The following SYN3 variants were observed in gnomAD, a reference collection of about 807,000 sequenced individuals.
SYN3 encodes synapsin-3.
A neutral mutation model predicts 65.8 loss-of-function variants in SYN3; 35 were observed. The ratio of observed to expected loss-of-function variants is 0.53; its 90% CI spans 0.41 to 0.70. The LOEUF is 0.70. SYN3 is among the 30% of genes least tolerant of loss of function. The pLI, the probability that SYN3 is intolerant of heterozygous loss-of-function variation, is 0.00. For synonymous variants in SYN3, 270 were observed against 292.9 expected, an observed-to-expected ratio of 0.92 and a Z score of 0.80; for missense variants, 680 against 749.0, an observed-to-expected ratio of 0.91 and a Z score of 1.08.
intron 7 of SYN3, among the ~76,000 whole-genome samples, chr22:32,572,413 T>TCCTTAGC (rs1346623977): frequency 2.4e-4 from 1 of 4,098 alleles, no homozygotes; most frequent in Non-Finnish European, 6.0e-4. Context: ...CCTCCTGTCT[T>TCCTTAGC]TCCTTCCTTC....
At chr22:32,938,927 C>CAAAAA (rs137558) in intron 3 of SYN3, among the ~76,000 whole-genome samples, 92 of 125,018 alleles carry the variant, frequency 7.4e-4, no homozygotes, top group African/African-American at 2.4e-3. Flanking sequence ...GGCTTTGTCT[C>CAAAAA]AAAAAAAAAA....
At chr22:32,897,859 AC>A (rs1260796191) in intron 4 of SYN3, among the ~76,000 whole-genome samples, 3 of 152,098 alleles carry the variant, frequency 2.0e-5, no homozygotes, top group Non-Finnish European at 4.4e-5. Context: ...TTGCTGTGTT[AC>A]CCAGGCTGGA....
rs2060829119 is a variant in SYN3, at chr22:32,702,941, G to A, written c.712-106205C>T. ...AAGTGCAATCTAACCAAAATGTTCT[G>A]GTCAATTGGATTTCGTTGTGCTAAA... On this transcript the variant is annotated intron_variant, in intron 6 of 13. Coordinates refer to ENST00000358763, the MANE Select transcript of SYN3 (RefSeq NM_003490.4). Among the ~76,000 whole-genome samples, 5 of 152,144 alleles carry A rather than the reference G, an allele frequency of 3.3e-5. No individual in the cohort carries two copies. The South Asian group carries it at 8.3e-4, about 25-fold the overall frequency.
At chr22:32,531,147 T>C (rs1381794031) in intron 10 of SYN3, among the ~76,000 whole-genome samples, 2 of 34,776 alleles carry the variant, frequency 5.8e-5, no homozygotes, top group African/African-American at 3.4e-4. Context: ...AGACCCCGTC[T>C]CAAAAAAAAA....
chr22:32,653,895 C>A (rs1253478850), intron 6 of SYN3, among the ~76,000 whole-genome samples: 1 of 152,212 alleles, frequency 6.6e-6, no homozygotes, highest in Non-Finnish European at 1.5e-5. Flanking sequence ...TCCTTTCCAG[C>A]CTTTTGAAGT....
At chr22:32,571,024 T>TTGTG (rs149461851) in intron 7 of SYN3, among the ~76,000 whole-genome samples, 1 of 151,646 alleles carries the variant, frequency 6.6e-6, no homozygotes, top group African/African-American at 2.4e-5. Context: ...CAAGAGGGAA[T>TTGTG]TGTGTGTGTG....
intron 1 of SYN3, among the ~76,000 whole-genome samples, chr22:33,047,196 G>A (rs1195083793): frequency 6.6e-6 from 1 of 152,004 alleles, no homozygotes; most frequent in African/African-American, 2.4e-5. Context: ...TTGTTTTGTG[G>A]TTATTTTCTA....
At position 32,761,696 on chromosome 22, in the gene SYN3, G is replaced by A. The variant is rs759527745; in HGVS notation, c.711+103219C>T. On this transcript the variant is annotated intron_variant, in intron 6 of 13. Coordinates refer to ENST00000358763, the MANE Select transcript of SYN3 (RefSeq NM_003490.4). ...GGTGATAACAGCTGCTTTGTTTTGC[G>A]GGGAGGCCACAAAATTCCTTTTAAA... Among the ~76,000 whole-genome samples, 90 of 152,280 alleles carry A rather than the reference G, an allele frequency of 5.9e-4. 1 individual carries two copies. The highest frequency in any genetic ancestry group is 6.2e-4 in the South Asian group (3 of 4,826).
intron 6 of SYN3, among the ~76,000 whole-genome samples, chr22:32,688,318 C>G (rs2060618838): frequency 6.6e-6 from 1 of 152,162 alleles, no homozygotes; most frequent in Non-Finnish European, 1.5e-5. Flanking sequence ...GCCTGTGCTT[C>G]TGGTTCTACT....
intron 4 of SYN3, 183 bp downstream of exon 4, chr22:32,931,207 C>T (rs2050618715): frequency 1.8e-6 from 1 of 550,008 alleles, no homozygotes; most frequent in Non-Finnish European, 3.3e-6. Flanking sequence ...ACCACAGGTG[C>T]TGCACGTATG....
intron 4 of SYN3, among the ~76,000 whole-genome samples, chr22:32,880,731 G>A (rs1385431429): frequency 6.6e-6 from 1 of 152,182 alleles, no homozygotes; most frequent in African/African-American, 2.4e-5. Context: ...TTGCAGATGA[G>A]GATAACTGAA....
rs1287569909 is a variant in SYN3 at position 33,025,448 on chromosome 22, A to AG, written c.-162-18625_-162-18624insC. On this transcript the variant is annotated intron_variant, in intron 1 of 13. Transcript: ENST00000358763. ...GACTCCGTCTCAAAAAAAAAAAAAA[A>AG]AAAAAAGAAAGCTGGTCTCTACTAA... Among the ~76,000 whole-genome samples the AG allele has an allele frequency of 2.0e-5, 3 of 150,972 alleles. No individual in the cohort carries two copies. In the East Asian group the frequency reaches 5.8e-4, roughly 29 times the overall value.
chr22:32,834,778 G>A (rs946378041), intron 6 of SYN3, among the ~76,000 whole-genome samples: 1 of 152,164 alleles, frequency 6.6e-6, no homozygotes, highest in Non-Finnish European at 1.5e-5. Context: ...ATTCCTATCT[G>A]GTACAGGGTA....
At chr22:32,701,951 T>C (rs1355330416) in intron 6 of SYN3, among the ~76,000 whole-genome samples, 1 of 152,162 alleles carries the variant, frequency 6.6e-6, no homozygotes, top group East Asian at 1.9e-4. Flanking sequence ...AAGAAAACCA[T>C]ACTGAGGAAC....
chr22:32,597,092 C>T (rs73154338), intron 6 of SYN3, among the ~76,000 whole-genome samples: 8,714 of 151,484 alleles, frequency 0.058, 561 homozygotes, highest in East Asian at 0.27. Context: ...CAAATGAAGA[C>T]GATAATAATA....
chr22:32,912,543 C>CT (rs1021481525), intron 4 of SYN3, among the ~76,000 whole-genome samples: 2 of 151,860 alleles, frequency 1.3e-5, no homozygotes, highest in Non-Finnish European at 2.9e-5. Context: ...TAGTGAGACC[C>CT]CCCCATCTCT....
intron 13 of SYN3, among the ~76,000 whole-genome samples, chr22:32,516,521 G>A (rs1006464034): frequency 5.9e-5 from 9 of 151,922 alleles, no homozygotes; most frequent in African/African-American, 9.7e-5. Context: ...GCACCAGCAC[G>A]CCCAGCTAAT....
chr22:32,731,509 C>G (rs528256326), intron 6 of SYN3, among the ~76,000 whole-genome samples: 4 of 152,162 alleles, frequency 2.6e-5, no homozygotes, highest in African/African-American at 9.6e-5. Flanking sequence ...TAAAAGCCTA[C>G]GATCAGGCTT....
At chr22:32,814,244 AGAAG>A (rs1272864830) in intron 6 of SYN3, among the ~76,000 whole-genome samples, 1 of 145,442 alleles carries the variant, frequency 6.9e-6, no homozygotes, top group African/African-American at 2.7e-5. Context: ...AAAGAAAGAA[AGAAG>A]GAAAGAAAGA....
Sources: gnomAD v4.1 joint callset for allele counts (sites outside exome capture counted in the v4.1 genomes callset) on GRCh38, gnomAD v4.1.1 for gene constraint, MANE v1.5 for transcripts, NCBI Gene and HGNC (gene_info 2026-07-23, HGNC 2026-07-21) for gene names.